KIAA1549: variants seen among roughly 807,000 people sequenced by gnomAD.
KIAA1549 encodes KIAA1549.
KIAA1549 carries 70 observed loss-of-function variants against 156.4 expected under a neutral mutation model. That is an observed-to-expected ratio of 0.45 (90% confidence interval 0.37 to 0.55). KIAA1549 has a LOEUF of 0.55. KIAA1549 is among the 20% of genes least tolerant of loss of function. The pLI is 0.00. For missense variants in KIAA1549, 2,428 were observed against 2,540.9 expected, an observed-to-expected ratio of 0.96 and a Z score of 0.96; for synonymous variants, 1,103 against 1,066.4, an observed-to-expected ratio of 1.03 and a Z score of -0.67.
At chr7:138,903,234 CACTG>C (rs2130449954) in intron 8 of KIAA1549, among the ~76,000 whole-genome samples, 1 of 152,306 alleles carries the variant, frequency 6.6e-6, no homozygotes, top group East Asian at 1.9e-4. Context: ...CTATCAATAA[CACTG>C]ACCATTCTAT....
chr7:138,862,181 T>G (rs1399993434), intron 15 of KIAA1549, among the ~76,000 whole-genome samples: 1 of 152,134 alleles, frequency 6.6e-6, no homozygotes, highest in Non-Finnish European at 1.5e-5. Context: ...TCAAAACTTT[T>G]AAAAACTATA....
chr7:138,897,140 A>G (rs1272419817), intron 9 of KIAA1549, among the ~76,000 whole-genome samples: 1 of 152,218 alleles, frequency 6.6e-6, no homozygotes, highest in African/African-American at 2.4e-5. Context: ...GCTGTTTAAA[A>G]TGTCAAGTGC....
chr7:138,974,761 A>G (rs1373444910), intron 1 of KIAA1549, among the ~76,000 whole-genome samples: 2 of 150,966 alleles, frequency 1.3e-5, no homozygotes, highest in Non-Finnish European at 2.9e-5. Context: ...AATGCTCGCA[A>G]TGAATGAAAA....
At chr7:138,856,041 T>A (rs535335791) in intron 16 of KIAA1549, among the ~76,000 whole-genome samples, 129 of 151,468 alleles carry the variant, frequency 8.5e-4, no homozygotes, top group Admixed American at 5.8e-3. Flanking sequence ...ATTTTATTTT[T>A]TTTTTTTTGA....
At chr7:138,848,900 C>T (rs1367885630) in intron 17 of KIAA1549, among the ~76,000 whole-genome samples, 1 of 152,026 alleles carries the variant, frequency 6.6e-6, no homozygotes, top group Non-Finnish European at 1.5e-5. Context: ...TTTTCCATTA[C>T]AGAAAAAAAA....
At chr7:138,879,682 T>C (rs1811189413) in intron 11 of KIAA1549, 29 bp from the exon 12 acceptor site, 2 of 1,331,496 alleles carry the variant, frequency 1.5e-6, no homozygotes, top group Admixed American at 2.3e-5. Flanking sequence ...TTGCAAACAT[T>C]AGAAACAAGA....
At chr7:138,977,605 T>C (rs959616560) in intron 1 of KIAA1549, among the ~76,000 whole-genome samples, 4 of 151,700 alleles carry the variant, frequency 2.6e-5, no homozygotes, top group African/African-American at 9.7e-5. Flanking sequence ...TGGTGGGCCT[T>C]ACATTTTAAT....
intron 1 of KIAA1549, among the ~76,000 whole-genome samples, chr7:138,924,339 T>C (rs929380270): frequency 4.6e-5 from 7 of 152,200 alleles, no homozygotes; most frequent in Admixed American, 3.3e-4. Flanking sequence ...GTGTCTGTTT[T>C]AAAACTGCTA....
At chr7:138,865,423 A>C (rs760748204) in intron 15 of KIAA1549, among the ~76,000 whole-genome samples, 2 of 151,008 alleles carry the variant, frequency 1.3e-5, no homozygotes, top group African/African-American at 2.5e-5. Flanking sequence ...GTACTTCCCT[A>C]GTATAGGCTT....
intron 4 of KIAA1549, among the ~76,000 whole-genome samples, chr7:138,910,700 A>ATTT (rs10686011): frequency 0.075 from 8,427 of 111,978 alleles, 835 homozygotes; most frequent in African/African-American, 0.16. Flanking sequence ...ACTTGGTCTA[A>ATTT]TTTTTTTTTT....
rs959947265 is a variant in KIAA1549 at position 138,834,019 on chromosome 7, C to G, written c.*3887G>C. ...TTCCCTACAGCCTTTCCCAGGCCCA[C>G]TCTCAGCTCTTCCTTCCACGCCATT... is the stretch of plus-strand genomic sequence containing the variant. On this transcript the variant is annotated 3_prime_UTR_variant, in exon 20 of 20. Transcript: ENST00000422774. 8.7e-6 allele frequency: 2 copies of G among 230,886 alleles called. No individual in the cohort carries two copies. The highest frequency in any genetic ancestry group is 1.7e-5 in the Non-Finnish European group (2 of 116,524). The allele number at this position is 230,886 out of a possible 1,614,324, so 14.3% of individuals were successfully genotyped here.
intron 18 of KIAA1549, 133 bp downstream of exon 18, chr7:138,844,183 AT>A: frequency 1.0e-6 from 1 of 991,046 alleles, no homozygotes; most frequent in Non-Finnish European, 1.5e-6. Context: ...CTCGGTCAGG[AT>A]ATGAGGGGAA....
intron 1 of KIAA1549, among the ~76,000 whole-genome samples, chr7:138,960,788 C>T (rs1017931070): frequency 1.3e-5 from 2 of 152,120 alleles, no homozygotes; most frequent in African/African-American, 2.4e-5. Flanking sequence ...TCTCAAGAAA[C>T]GCTTTCTAAT....
chr7:138,929,098 T>C (rs1006502478), intron 1 of KIAA1549, among the ~76,000 whole-genome samples: 4 of 152,178 alleles, frequency 2.6e-5, no homozygotes, highest in African/African-American at 9.7e-5. Context: ...GACAATGAAG[T>C]TTGCCTCATC....
chr7:138,852,539 A>T (rs1191097486), intron 16 of KIAA1549, among the ~76,000 whole-genome samples: 1 of 152,216 alleles, frequency 6.6e-6, no homozygotes, highest in African/African-American at 2.4e-5. Flanking sequence ...AATAGCTGAC[A>T]GGCTTGCTGT....
At chr7:138,943,797 T>A (rs1339062348) in intron 1 of KIAA1549, among the ~76,000 whole-genome samples, 1 of 151,390 alleles carries the variant, frequency 6.6e-6, no homozygotes, top group Admixed American at 6.6e-5. Flanking sequence ...TGCAGTGAGC[T>A]GAGATCGCAC....
chr7:138,965,072 C>G (rs561890365), intron 1 of KIAA1549, among the ~76,000 whole-genome samples: 1 of 151,828 alleles, frequency 6.6e-6, no homozygotes, highest in Admixed American at 6.6e-5. Context: ...GCGATCCTCC[C>G]TCTTCAGCCT....
chr7:138,978,682 T>A (rs772791452), intron 1 of KIAA1549, among the ~76,000 whole-genome samples: 1 of 152,118 alleles, frequency 6.6e-6, no homozygotes, highest in African/African-American at 2.4e-5. Flanking sequence ...CTGCCTCACA[T>A]AGGAAGTCCA....
At chr7:138,971,270 C>T (rs1017063959) in intron 1 of KIAA1549, among the ~76,000 whole-genome samples, 2 of 152,188 alleles carry the variant, frequency 1.3e-5, no homozygotes, top group Non-Finnish European at 2.9e-5. Context: ...CTGATCCCCC[C>T]ACGCTGCTGT....
Sources: allele counts gnomAD v4.1 joint callset (sites outside exome capture counted in the v4.1 genomes callset), GRCh38; gene constraint gnomAD v4.1.1; transcripts MANE v1.5; gene names NCBI Gene and HGNC (gene_info 2026-07-23, HGNC 2026-07-21).